Variants in DLC1 observed in about 807,000 individuals in gnomAD.
DLC1 encodes DLC1 Rho GTPase activating protein.
DLC1 carries 54 observed loss-of-function variants against 140.3 expected under a neutral mutation model. The observed-to-expected ratio is 0.38, with a 90% confidence interval of 0.31 to 0.48. The LOEUF (loss-of-function observed/expected upper bound fraction) is 0.48. Ranked by LOEUF, DLC1 falls within the 20% of genes least tolerant of loss-of-function variation. The pLI, the probability that DLC1 is intolerant of heterozygous loss-of-function variation, is 0.96. For synonymous variants in DLC1, 986 were observed against 728.1 expected (o/e 1.35, Z -5.70); for missense variants, 2,536 against 1,907.0 (o/e 1.33, Z -6.14).
intron 5 of DLC1, among the ~76,000 whole-genome samples, chr8:13,169,138 T>A (rs1168507520): frequency 6.6e-6 from 1 of 152,242 alleles, no homozygotes; most frequent in Non-Finnish European, 1.5e-5. Flanking sequence ...GGGGCTTTAC[T>A]ACTATGTAGC....
intron 5 of DLC1, among the ~76,000 whole-genome samples, chr8:13,248,798 C>T (rs1829874450): frequency 6.6e-6 from 1 of 152,180 alleles, no homozygotes; most frequent in Admixed American, 6.5e-5. Flanking sequence ...CCCTGGTATC[C>T]TGGCTTCTCA....
At chr8:13,436,847 C>G (rs967998876) in intron 2 of DLC1, among the ~76,000 whole-genome samples, 4 of 152,134 alleles carry the variant, frequency 2.6e-5, no homozygotes, top group Non-Finnish European at 5.9e-5. Flanking sequence ...GGTGCTCACA[C>G]ATTTCAGGTC....
At chr8:13,396,517 G>A (rs921128072) in intron 3 of DLC1, among the ~76,000 whole-genome samples, 1 of 152,056 alleles carries the variant, frequency 6.6e-6, no homozygotes, top group African/African-American at 2.4e-5. Context: ...ACCATTATCT[G>A]CTTCAATGTT....
intron 4 of DLC1, among the ~76,000 whole-genome samples, chr8:13,318,154 A>G (rs561606577): frequency 7.9e-5 from 12 of 151,854 alleles, no homozygotes; most frequent in African/African-American, 2.7e-4. Flanking sequence ...CAGTCTCCTG[A>G]GTAGCTAGGA....
chr8:13,280,925 G>A (rs546267467), intron 5 of DLC1, among the ~76,000 whole-genome samples: 8 of 152,286 alleles, frequency 5.3e-5, no homozygotes, highest in East Asian at 1.9e-4. Flanking sequence ...CCCCTGAAAC[G>A]GGATGGCAGG....
chr8:13,595,392 T>A (rs945736052), intron 1 of DLC1, among the ~76,000 whole-genome samples: 4 of 152,066 alleles, frequency 2.6e-5, no homozygotes, highest in African/African-American at 9.7e-5. Flanking sequence ...GAAATAATAG[T>A]TATGCAAACA....
intron 3 of DLC1, among the ~76,000 whole-genome samples, chr8:13,397,864 G>C (rs1409610073): frequency 6.6e-6 from 1 of 151,810 alleles, no homozygotes; most frequent in Non-Finnish European, 1.5e-5. Flanking sequence ...CAGGTGTGGT[G>C]GCTCACGCCT....
chr8:13,586,454 G>C (rs976008486), intron 1 of DLC1, among the ~76,000 whole-genome samples: 1 of 152,124 alleles, frequency 6.6e-6, no homozygotes, highest in African/African-American at 2.4e-5. Context: ...ATCAGCAGAT[G>C]TTAAAGATAT....
chr8:13,562,992 G>A (rs886405790), intron 1 of DLC1, among the ~76,000 whole-genome samples: 2 of 151,826 alleles, frequency 1.3e-5, no homozygotes, highest in South Asian at 2.1e-4. Context: ...TATGAGAGAC[G>A]TATTTATATT....
At chr8:13,086,135 C>G in intron 17 of DLC1, 155 bp downstream of exon 17, 1 of 1,332,538 alleles carries the variant, frequency 7.5e-7, no homozygotes. Context: ...CGCTGAAAGA[C>G]CAACAAACAT....
intron 1 of DLC1, among the ~76,000 whole-genome samples, chr8:13,535,785 AT>A (rs1803257879): frequency 6.6e-6 from 1 of 151,972 alleles, no homozygotes; most frequent in Non-Finnish European, 1.5e-5. Context: ...GTATATTAAT[AT>A]TTATAAAATG....
chr8:13,324,618 A>T (rs1268528166), intron 4 of DLC1, among the ~76,000 whole-genome samples: 1 of 151,892 alleles, frequency 6.6e-6, no homozygotes, highest in Non-Finnish European at 1.5e-5. Context: ...TATCAACATG[A>T]TATAGTTTTA....
intron 5 of DLC1, among the ~76,000 whole-genome samples, chr8:13,127,296 G>A (rs974608842): frequency 1.3e-5 from 2 of 152,124 alleles, no homozygotes; most frequent in East Asian, 1.9e-4. Context: ...GACTGGAAGG[G>A]GTCTGAGGTT....
Position 13,300,456 on chromosome 8 carries a change from T to C in DLC1, c.1348+4813A>G, listed in dbSNP as rs34156438. Among the ~76,000 whole-genome samples, 529 of 152,260 alleles carry C rather than the reference T, an allele frequency of 3.5e-3. 6 individuals are homozygous for C. Among genetic ancestry groups the C allele is most frequent in the Admixed American group, 0.013 (205 of 15,300 alleles). ...CATCATAAAATAAAGTAAATCTACA[T>C]TGAACTTAAAAACAAACTCTCCAAC... On this transcript the variant is annotated intron_variant, in intron 5 of 17. Coordinates refer to ENST00000276297, the MANE Select transcript of DLC1 (RefSeq NM_182643.3).
chr8:13,154,952 A>C (rs1364362050), intron 5 of DLC1, among the ~76,000 whole-genome samples: 1 of 152,208 alleles, frequency 6.6e-6, no homozygotes, highest in African/African-American at 2.4e-5. Context: ...AATTCAAATA[A>C]TATGGAATTG....
intron 2 of DLC1, among the ~76,000 whole-genome samples, chr8:13,489,378 A>G (rs949803902): frequency 1.7e-5 from 2 of 115,218 alleles, no homozygotes; most frequent in African/African-American, 3.4e-5. Flanking sequence ...TCTCAGATCT[A>G]TAATTAGGGC....
At chr8:13,538,400 G>T (rs1430306158) in intron 1 of DLC1, among the ~76,000 whole-genome samples, 1 of 151,992 alleles carries the variant, frequency 6.6e-6, no homozygotes, top group Non-Finnish European at 1.5e-5. Flanking sequence ...GAATATTTCA[G>T]ATCTGGTGAG....
intron 4 of DLC1, among the ~76,000 whole-genome samples, chr8:13,358,933 G>A (rs1156758247): frequency 6.6e-6 from 1 of 150,788 alleles, no homozygotes; most frequent in Non-Finnish European, 1.5e-5. Flanking sequence ...GCAAAAGCAA[G>A]ACAGTTACAA....
chr8:13,130,736 C>T (rs971727790), intron 5 of DLC1, among the ~76,000 whole-genome samples: 42 of 152,290 alleles, frequency 2.8e-4, no homozygotes, highest in Middle Eastern at 3.4e-3. Context: ...CTTTTCTCAC[C>T]CACTCCAGGG....
Sources: allele counts gnomAD v4.1 joint callset (sites outside exome capture counted in the v4.1 genomes callset), GRCh38; gene constraint gnomAD v4.1.1; transcripts MANE v1.5; gene names NCBI Gene and HGNC (gene_info 2026-07-23, HGNC 2026-07-21).